The following EPS15 variants were observed in gnomAD, a reference collection of about 807,000 sequenced individuals.
The protein encoded by EPS15 is epidermal growth factor receptor substrate 15.
In EPS15, 72 loss-of-function variants were observed where a neutral mutation model predicts 113.8. That is an observed-to-expected ratio of 0.63 (90% CI 0.52 to 0.77). The LOEUF (loss-of-function observed/expected upper bound fraction) is 0.77. EPS15 is among the 30% of genes least tolerant of loss of function. EPS15 has a pLI of 0.00. For missense variants in EPS15, 1,048 were observed against 1,045.8 expected (o/e 1.00, Z -0.03); for synonymous variants, 344 against 363.4 (o/e 0.95, Z 0.61).
intron 12 of EPS15, among the ~76,000 whole-genome samples, chr1:51,438,918 C>T (rs894965470): frequency 2.6e-5 from 4 of 151,556 alleles, no homozygotes; most frequent in African/African-American, 7.3e-5. Flanking sequence ...ACAATCACCA[C>T]GAAGTGTTTT....
intron 8 of EPS15, among the ~76,000 whole-genome samples, chr1:51,453,038 C>G (rs1338806476): frequency 6.6e-6 from 1 of 152,210 alleles, no homozygotes; most frequent in Non-Finnish European, 1.5e-5. Context: ...AATTCAATTT[C>G]AGTTTTAGAA....
chr1:51,400,867 T>C, intron 19 of EPS15, 51 bp downstream of exon 19: 1 of 1,276,512 alleles, frequency 7.8e-7, no homozygotes, highest in Non-Finnish European at 1.1e-6. Context: ...ATAAGCTTAT[T>C]ATTAAGCAGA....
intron 21 of EPS15, among the ~76,000 whole-genome samples, chr1:51,384,298 C>CTTTTTTTT (rs67265512): frequency 2.1e-4 from 21 of 99,528 alleles, no homozygotes; most frequent in Middle Eastern, 5.6e-3. Flanking sequence ...TTCTTTCTTT[C>CTTTTTTTT]TTTTTTTTTT....
At chr1:51,380,642 A>G (rs1646919382) in intron 21 of EPS15, among the ~76,000 whole-genome samples, 1 of 152,224 alleles carries the variant, frequency 6.6e-6, no homozygotes, top group African/African-American at 2.4e-5. Flanking sequence ...GGGACATAAA[A>G]CTATAGGACA....
rs1026147488 is a variant in EPS15 at position 51,414,127 on chromosome 1, A to G, written c.1114-4431T>C. 3.3e-5 allele frequency among the ~76,000 whole-genome samples: 5 copies of G among 152,196 alleles called. No homozygotes were observed. In the East Asian group the frequency reaches 9.7e-4, roughly 29 times the overall value. On this transcript the variant is annotated intron_variant, in intron 13 of 24. Transcript: ENST00000371733. The stretch of plus-strand genomic sequence containing the variant: ...TTTTGTTAGTTTGAAAATACAATCT[A>G]TTGAGCCGGCAAAGTGGCTCATGCC...
intron 21 of EPS15, among the ~76,000 whole-genome samples, chr1:51,374,766 C>T (rs539154829): frequency 2.6e-5 from 4 of 152,030 alleles, no homozygotes; most frequent in Non-Finnish European, 2.9e-5. Flanking sequence ...GATGGAGTCT[C>T]GCTCTGTTGC....
intron 21 of EPS15, among the ~76,000 whole-genome samples, chr1:51,366,772 C>A (rs901301711): frequency 3.3e-5 from 5 of 152,318 alleles, no homozygotes; most frequent in Non-Finnish European, 7.4e-5. Flanking sequence ...CATCAACAAA[C>A]CCTGGAGTAA....
chr1:51,466,860 T>C (rs1654878092), intron 5 of EPS15, among the ~76,000 whole-genome samples: 1 of 151,826 alleles, frequency 6.6e-6, no homozygotes, highest in African/African-American at 2.4e-5. Flanking sequence ...CAAGATTCTG[T>C]CTCTTCAAAA....
chr1:51,357,176 G>C (rs375732046), intron 24 of EPS15, among the ~76,000 whole-genome samples: 1 of 151,104 alleles, frequency 6.6e-6, no homozygotes, highest in Non-Finnish European at 1.5e-5. Context: ...TCAGGAGTTC[G>C]AGACCAGCTT....
chr1:51,490,829 T>C (rs1466896410), intron 1 of EPS15, among the ~76,000 whole-genome samples: 1 of 152,170 alleles, frequency 6.6e-6, no homozygotes, highest in African/African-American at 2.4e-5. Context: ...GAACTATATA[T>C]GCAAACACAC....
chr1:51,448,598 C>T (rs1653269016), intron 8 of EPS15, among the ~76,000 whole-genome samples: 1 of 152,192 alleles, frequency 6.6e-6, no homozygotes, highest in Non-Finnish European at 1.5e-5. Context: ...CAGATGAAAA[C>T]TGTAAGTTAA....
chr1:51,431,602 C>T (rs1254050371), intron 12 of EPS15, among the ~76,000 whole-genome samples: 5 of 151,968 alleles, frequency 3.3e-5, no homozygotes, highest in South Asian at 2.1e-4. Context: ...TGCACCACCA[C>T]GCCCGACTAA....
intron 15 of EPS15, 61 bp downstream of exon 15, chr1:51,408,074 T>A (rs1240091073): frequency 3.5e-6 from 5 of 1,427,922 alleles, no homozygotes; most frequent in African/African-American, 1.4e-5. Flanking sequence ...TTGGAAAGTA[T>A]AACTGACTAA....
At chr1:51,427,474 TAA>T (rs1198380809) in intron 12 of EPS15, among the ~76,000 whole-genome samples, 3 of 152,088 alleles carry the variant, frequency 2.0e-5, no homozygotes, top group African/African-American at 4.8e-5. Flanking sequence ...GATAAGAATA[TAA>T]AGAGATAATT....
At chr1:51,427,808 T>A (rs368907379) in intron 12 of EPS15, among the ~76,000 whole-genome samples, 1 of 152,124 alleles carries the variant, frequency 6.6e-6, no homozygotes, top group South Asian at 2.1e-4. Context: ...ACAGAAGATG[T>A]TGGCAAAACA....
chr1:51,505,226 A>G (rs1644478434), intron 1 of EPS15, among the ~76,000 whole-genome samples: 1 of 152,226 alleles, frequency 6.6e-6, no homozygotes, highest in African/African-American at 2.4e-5. Flanking sequence ...AAAACCTTGT[A>G]TATGAATGCT....
At chr1:51,370,566 A>G (rs1056192647) in intron 21 of EPS15, among the ~76,000 whole-genome samples, 1 of 151,776 alleles carries the variant, frequency 6.6e-6, no homozygotes, top group African/African-American at 2.4e-5. Flanking sequence ...ACTGGTTTAC[A>G]TATTTACTAT....
At chr1:51,483,879 T>C (rs1030662053) in intron 1 of EPS15, among the ~76,000 whole-genome samples, 1 of 151,540 alleles carries the variant, frequency 6.6e-6, no homozygotes, top group Non-Finnish European at 1.5e-5. Flanking sequence ...GGGAAGCTAT[T>C]GGGGGAGGAT....
intron 12 of EPS15, among the ~76,000 whole-genome samples, chr1:51,426,778 C>T (rs1651229465): frequency 6.6e-6 from 1 of 151,292 alleles, no homozygotes; most frequent in South Asian, 2.1e-4. Flanking sequence ...GTCGGACTTG[C>T]CAGCTCCCAC....
Sources: gnomAD v4.1 joint callset for allele counts (sites outside exome capture counted in the v4.1 genomes callset) on GRCh38, gnomAD v4.1.1 for gene constraint, MANE v1.5 for transcripts, NCBI Gene and HGNC (gene_info 2026-07-23, HGNC 2026-07-21) for gene names.